Variants in SNTB2 observed in about 807,000 individuals in gnomAD.
SNTB2 encodes syntrophin beta 2.
SNTB2 carries 34 observed loss-of-function variants against 46.2 expected under a neutral mutation model. The ratio of observed to expected loss-of-function variants is 0.74; its 90% CI spans 0.56 to 0.98. The LOEUF is 0.98. SNTB2 is among the 50% of genes least tolerant of loss of function. The probability of loss-of-function intolerance (pLI) is 0.00; values close to 1 mark genes in which losing one functional copy is unlikely to be tolerated. For synonymous variants in SNTB2, 290 were observed against 312.6 expected (o/e 0.93, Z 0.76); for missense variants, 603 against 731.4 (o/e 0.82, Z 2.02).
At chr16:69,226,719 C>T (rs1002029547) in intron 1 of SNTB2, among the ~76,000 whole-genome samples, 3 of 152,052 alleles carry the variant, frequency 2.0e-5, no homozygotes, top group African/African-American at 2.4e-5. Flanking sequence ...TTTGTAAAGA[C>T]GGGGTCTCGC....
intron 1 of SNTB2, among the ~76,000 whole-genome samples, chr16:69,196,726 A>T (rs1483105489): frequency 2.6e-5 from 4 of 152,148 alleles, no homozygotes; most frequent in Non-Finnish European, 5.9e-5. Context: ...CCCCATATAA[A>T]ATATAAATAA....
intron 1 of SNTB2, among the ~76,000 whole-genome samples, chr16:69,242,130 T>G (rs1466668595): frequency 1.3e-5 from 2 of 152,076 alleles, no homozygotes; most frequent in Non-Finnish European, 2.9e-5. Context: ...CTTTCATGTT[T>G]AAAGTTTGAG....
chr16:69,207,932 A>AC (rs1243987577), intron 1 of SNTB2, among the ~76,000 whole-genome samples: 2 of 145,334 alleles, frequency 1.4e-5, no homozygotes, highest in African/African-American at 5.0e-5. Flanking sequence ...ACATGATGAA[A>AC]CCCCCATCTC....
chr16:69,207,636 G>T (rs1480650632), intron 1 of SNTB2, among the ~76,000 whole-genome samples: 1 of 152,082 alleles, frequency 6.6e-6, no homozygotes, highest in Admixed American at 6.6e-5. Context: ...TCATAAAAAC[G>T]TGCAGCTGGA....
At chr16:69,288,416 CT>C (rs1461841955) in intron 5 of SNTB2, among the ~76,000 whole-genome samples, 1 of 152,132 alleles carries the variant, frequency 6.6e-6, no homozygotes, top group Non-Finnish European at 1.5e-5. Context: ...TAATTTTACA[CT>C]TTTTTGTTCT....
chr16:69,305,494 C>T lies in SNTB2; in HGVS notation c.*4570C>T, dbSNP rs1965309716. On this transcript the variant is annotated 3_prime_UTR_variant, in exon 7 of 7. Coordinates refer to ENST00000336278, the MANE Select transcript of SNTB2 (RefSeq NM_006750.4). ...AATGGCTGGTTAGAAAGCCAAAGGT[C>T]TTCTTTTTTCAATTCCTAATGAATA... 6.6e-6 allele frequency: 1 copy of T among 150,636 alleles called. No homozygotes were observed. The highest frequency in any genetic ancestry group is 2.1e-4 in the South Asian group (1 of 4,818). 9.3% of individuals were successfully genotyped at this position (150,636 alleles called of 1,614,324 possible).
Position 69,307,567 on chromosome 16 carries a change from A to G in SNTB2, c.*6643A>G, listed in dbSNP as rs1965325662. On this transcript the variant is annotated 3_prime_UTR_variant, in exon 7 of 7. Coordinates refer to ENST00000336278, the MANE Select transcript of SNTB2 (RefSeq NM_006750.4). ...TAAATGCATATTTTATCAACCCCTT[A>G]TTTCTAATTGCTGTATTCATTTCCA... is the stretch of plus-strand genomic sequence containing the variant. 1 of 152,178 alleles carries G rather than the reference A, an allele frequency of 6.6e-6. No individual in the cohort carries two copies. The highest frequency in any genetic ancestry group is 2.4e-5 in the African/African-American group (1 of 41,442). The allele number at this position is 152,178 out of a possible 1,614,324, so 9.4% of individuals were successfully genotyped here. A position where few individuals can be genotyped will look rare whatever the true frequency, so the allele number is the denominator to read the frequency against.
At chr16:69,256,650 TCTTTC>T (rs1432317361) in intron 2 of SNTB2, among the ~76,000 whole-genome samples, 1 of 152,218 alleles carries the variant, frequency 6.6e-6, no homozygotes, top group Non-Finnish European at 1.5e-5. Flanking sequence ...TGTTAGGATT[TCTTTC>T]CTTATTAAGG....
At chr16:69,244,706 G>A (rs537088406) in intron 1 of SNTB2, among the ~76,000 whole-genome samples, 2 of 152,286 alleles carry the variant, frequency 1.3e-5, no homozygotes, top group East Asian at 1.9e-4. Context: ...GAACAAGCAA[G>A]GGGGATCAGT....
At chr16:69,281,617 G>T (rs1965048107) in intron 4 of SNTB2, among the ~76,000 whole-genome samples, 1 of 151,324 alleles carries the variant, frequency 6.6e-6, no homozygotes, top group Non-Finnish European at 1.5e-5. Context: ...TTGGGAGGCC[G>T]AGGCAGGCAG....
intron 3 of SNTB2, among the ~76,000 whole-genome samples, chr16:69,261,993 A>G (rs1475886638): frequency 6.6e-6 from 1 of 152,072 alleles, no homozygotes; most frequent in Non-Finnish European, 1.5e-5. Flanking sequence ...AGAATCGCTC[A>G]AGACCAGGAG....
intron 5 of SNTB2, among the ~76,000 whole-genome samples, chr16:69,295,861 C>T (rs996228035): frequency 2.0e-5 from 3 of 152,296 alleles, no homozygotes; most frequent in Middle Eastern, 3.4e-3. Flanking sequence ...ACTTAATCAT[C>T]ATTGCATCAC....
At chr16:69,293,148 G>C (rs1355060558) in intron 5 of SNTB2, among the ~76,000 whole-genome samples, 1 of 152,174 alleles carries the variant, frequency 6.6e-6, no homozygotes, top group Non-Finnish European at 1.5e-5. Flanking sequence ...GAGAGCAAGA[G>C]TGAAAGAGAG....
At chr16:69,256,148 T>G (rs1050308391) in intron 2 of SNTB2, among the ~76,000 whole-genome samples, 1 of 152,040 alleles carries the variant, frequency 6.6e-6, no homozygotes, top group Admixed American at 6.6e-5. Flanking sequence ...ATCGGGCCAC[T>G]GCACTCCAGC....
At chr16:69,262,045 C>CA (rs1212110268) in intron 3 of SNTB2, among the ~76,000 whole-genome samples, 1 of 152,056 alleles carries the variant, frequency 6.6e-6, no homozygotes, top group Non-Finnish European at 1.5e-5. Context: ...CCCATCTCTA[C>CA]AAAAAATGTA....
intron 1 of SNTB2, among the ~76,000 whole-genome samples, chr16:69,209,849 C>A (rs894662632): frequency 6.6e-6 from 1 of 151,982 alleles, no homozygotes; most frequent in Admixed American, 6.6e-5. Flanking sequence ...TCCCCCACCT[C>A]AAGATGTTTA....
At chr16:69,192,298 T>C (rs1428691319) in intron 1 of SNTB2, among the ~76,000 whole-genome samples, 1 of 152,228 alleles carries the variant, frequency 6.6e-6, no homozygotes, top group Non-Finnish European at 1.5e-5. Flanking sequence ...TCAGGGGACA[T>C]AGCAGAGTCC....
chr16:69,240,361 A>G lies in SNTB2; in HGVS notation c.581-5241A>G, dbSNP rs138494951. Among the ~76,000 whole-genome samples, 733 of 152,344 alleles carry G rather than the reference A, an allele frequency of 4.8e-3. 3 individuals carry two copies. The highest frequency in any genetic ancestry group is 0.017 in the African/African-American group (715 of 41,584). On this transcript the variant is annotated intron_variant, in intron 1 of 6. Transcript: ENST00000336278. The stretch of plus-strand genomic sequence containing the variant: ...CAGTCTACTCAAACCCCAAATGGCC[A>G]GGAGACTTGAGCTGAAAGACACCTG...
intron 1 of SNTB2, among the ~76,000 whole-genome samples, chr16:69,215,709 T>C (rs1964340036): frequency 6.6e-6 from 1 of 152,208 alleles, no homozygotes; most frequent in Non-Finnish European, 1.5e-5. Flanking sequence ...AGGAACATGT[T>C]TCTTTAGAGT....
Sources: gnomAD v4.1 joint callset for allele counts (sites outside exome capture counted in the v4.1 genomes callset) on GRCh38, gnomAD v4.1.1 for gene constraint, MANE v1.5 for transcripts, NCBI Gene and HGNC (gene_info 2026-07-23, HGNC 2026-07-21) for gene names.